Variants in VPS13B observed in about 807,000 individuals in gnomAD.
VPS13B encodes intermembrane lipid transfer protein VPS13B.
VPS13B carries 285 observed loss-of-function variants against 426.4 expected under a neutral mutation model. The observed-to-expected ratio is 0.67, with a 90% CI of 0.61 to 0.74. The LOEUF (loss-of-function observed/expected upper bound fraction) is 0.74, where lower values mean the gene tolerates loss of function less well. VPS13B is among the 30% of genes least tolerant of loss of function. The pLI, the probability that VPS13B is intolerant of heterozygous loss-of-function variation, is 0.00. For synonymous variants in VPS13B, 1,676 were observed against 1,676.4 expected (o/e 1.00, Z 0.01); for missense variants, 4,537 against 4,782.6 (o/e 0.95, Z 1.51).
In VPS13B at chr8:99,821,423, G is replaced by A; in HGVS notation, c.9124G>A (p.Asp3042Asn). 6.2e-7 allele frequency: 1 copy of A among 1,613,822 alleles called. No homozygotes were observed. Among genetic ancestry groups the A allele is most frequent in the Middle Eastern group, 1.6e-4 (1 of 6,062 alleles). ...AGGTAATGGTGAAGTTGTGACACTG[G>A]ATGAAGAAGCGTTTGTTGATACTGA... is the stretch of plus-strand genomic sequence containing the variant. Reference protein sequence around the residue: ...DGGNGEVVTLDEEAFVDTEIR... With the variant: ...DGGNGEVVTLNEEAFVDTEIR... Residue 3042 changes from aspartate (D) to asparagine (N), a missense_variant, in exon 50 of 62, where the codon GAT becomes AAT. Asp to Asn is a conservative substitution (Grantham distance 23). Around this residue, in one of 2 missense-constraint regions of VPS13B, gnomAD observed 4,311 missense variants for 4,474.3 expected, o/e 0.96. Transcript: ENST00000357162.
At chr8:99,384,103 C>T (rs1588315539) in intron 19 of VPS13B, 105 bp from the exon 20 acceptor site, 1 of 940,840 alleles carries the variant, frequency 1.1e-6, no homozygotes, top group East Asian at 2.4e-5. Context: ...ACGCTTGTTA[C>T]TGTTTGTCTG....
rs138003933 is a variant in VPS13B, at chr8:99,248,865, C to T, written c.2516-25333C>T. Among the ~76,000 whole-genome samples the T allele has an allele frequency of 2.1e-3, 324 of 152,270 alleles. 2 individuals carry two copies. The highest frequency in any genetic ancestry group is 5.0e-3 in the Admixed American group (77 of 15,306). On this transcript the variant is annotated intron_variant, in intron 17 of 61. Coordinates refer to ENST00000357162, the MANE Select transcript of VPS13B (RefSeq NM_152564.5). ...CTCCCTCCCTTGAGCTTCTCCCCCA[C>T]TCCCAAGCCCACTTCCCCTTATTAG...
At chr8:99,741,899 A>G (rs1809749512) in intron 39 of VPS13B, among the ~76,000 whole-genome samples, 1 of 152,192 alleles carries the variant, frequency 6.6e-6, no homozygotes, top group South Asian at 2.1e-4. Context: ...ACACCCTAAC[A>G]TCACAATTAA....
intron 58 of VPS13B, among the ~76,000 whole-genome samples, chr8:99,867,556 G>C (rs1588805242): frequency 6.6e-6 from 1 of 152,320 alleles, no homozygotes; most frequent in East Asian, 1.9e-4. Flanking sequence ...GAGTATCTTG[G>C]TGGTTAAGAG....
chr8:99,604,469 C>T (rs971792094), intron 33 of VPS13B, among the ~76,000 whole-genome samples: 3 of 149,930 alleles, frequency 2.0e-5, no homozygotes, highest in Admixed American at 6.7e-5. Flanking sequence ...CTCTAGAATA[C>T]GACAGTTTCT....
intron 30 of VPS13B, among the ~76,000 whole-genome samples, chr8:99,554,210 T>G (rs947417749): frequency 6.6e-6 from 1 of 152,140 alleles, no homozygotes; most frequent in Non-Finnish European, 1.5e-5. Context: ...AATTTTGTTT[T>G]CATTTTTTTT....
intron 43 of VPS13B, among the ~76,000 whole-genome samples, chr8:99,807,365 T>C (rs1813453783): frequency 6.6e-6 from 1 of 152,140 alleles, no homozygotes; most frequent in South Asian, 2.1e-4. Context: ...CTCTAGAGTC[T>C]ATGAAATGTT....
intron 7 of VPS13B, chr8:99,120,076 A>C (rs910997382): frequency 6.6e-6 from 1 of 152,158 alleles, no homozygotes. Context: ...TATTTTTAGT[A>C]GGGACAGGGT....
intron 27 of VPS13B, among the ~76,000 whole-genome samples, chr8:99,504,099 C>A (rs1247632596): frequency 1.3e-5 from 2 of 152,166 alleles, no homozygotes; most frequent in Non-Finnish European, 2.9e-5. Flanking sequence ...TGGCTTGGTG[C>A]CTCCCCATGG....
intron 40 of VPS13B, among the ~76,000 whole-genome samples, chr8:99,772,466 G>A (rs1248797533): frequency 1.3e-5 from 2 of 152,224 alleles, no homozygotes; most frequent in African/African-American, 2.4e-5. Flanking sequence ...GTGGGGAGGG[G>A]AGAGTAGGGA....
chr8:99,717,264 G>C lies in VPS13B; in HGVS notation c.6548G>C (p.Cys2183Ser). The C allele has an allele frequency of 6.2e-7, 1 of 1,613,958 alleles. No homozygotes were observed. The highest frequency in any genetic ancestry group is 8.5e-7 in the Non-Finnish European group (1 of 1,179,930). The change falls in exon 37 of 62, where the codon TGT (cysteine) becomes TCT (serine). Residue 2183 changes from cysteine to serine, a missense_variant. Around this residue, in one of 2 missense-constraint regions of VPS13B, gnomAD observed 4,311 missense variants for 4,474.3 expected, o/e 0.96. Coordinates refer to ENST00000357162, the MANE Select transcript of VPS13B (RefSeq NM_152564.5). ...AGAAGCCGCATTCTGATAGGACCATGTTGTGCTACTGCCAATCTGGAAGCT... is the reference window on the plus strand; with the variant it reads ...AGAAGCCGCATTCTGATAGGACCATCTTGTGCTACTGCCAATCTGGAAGCT... ...KERSRILIGP[C>S]CATANLEAKW...
chr8:99,763,050 C>T (rs1012297974), intron 39 of VPS13B, among the ~76,000 whole-genome samples: 2 of 141,374 alleles, frequency 1.4e-5, no homozygotes, highest in South Asian at 2.4e-4. Context: ...GTGGGAGGAT[C>T]GCTTGAGCCA....
At chr8:99,451,847 G>A (rs1411117762) in intron 23 of VPS13B, among the ~76,000 whole-genome samples, 1 of 152,178 alleles carries the variant, frequency 6.6e-6, no homozygotes, top group Non-Finnish European at 1.5e-5. Context: ...TGGTACTGGT[G>A]TACCCTGTAT....
At chr8:99,767,025 A>G in intron 40 of VPS13B, 55 bp downstream of exon 40, 1 of 1,548,830 alleles carries the variant, frequency 6.5e-7, no homozygotes, top group Middle Eastern at 1.7e-4. Context: ...ATGATAAGTC[A>G]TCTTTTCCTA....
intron 19 of VPS13B, among the ~76,000 whole-genome samples, chr8:99,364,422 G>A (rs1475708922): frequency 7.9e-5 from 12 of 151,692 alleles, no homozygotes; most frequent in Non-Finnish European, 1.2e-4. Context: ...ATATTGTCCC[G>A]TAGTTTTCTT....
intron 30 of VPS13B, among the ~76,000 whole-genome samples, chr8:99,525,665 A>G (rs1162893445): frequency 6.6e-6 from 1 of 152,226 alleles, no homozygotes; most frequent in African/African-American, 2.4e-5. Flanking sequence ...GTCAGTTTAC[A>G]AAAGAAAGAA....
At chr8:99,045,455 C>G (rs1045354630) in intron 3 of VPS13B, among the ~76,000 whole-genome samples, 1 of 151,874 alleles carries the variant, frequency 6.6e-6, no homozygotes, top group South Asian at 2.1e-4. Context: ...GATATTAGTC[C>G]GTTGTCAGAT....
chr8:99,305,435 C>T (rs1401949463), intron 19 of VPS13B, among the ~76,000 whole-genome samples: 1 of 152,052 alleles, frequency 6.6e-6, no homozygotes, highest in Non-Finnish European at 1.5e-5. Context: ...AGGTTATATG[C>T]AAATGCAACA....
intron 3 of VPS13B, among the ~76,000 whole-genome samples, chr8:99,082,823 C>T (rs931407757): frequency 6.6e-6 from 1 of 152,102 alleles, no homozygotes; most frequent in African/African-American, 2.4e-5. Context: ...TGATCTACAT[C>T]TCTGTTTTGG....
Sources: gnomAD v4.1 joint callset for allele counts (sites outside exome capture counted in the v4.1 genomes callset) on GRCh38, gnomAD v4.1.1 for gene constraint, gnomAD v4.1.1 regional missense constraint, MANE v1.5 for transcripts, NCBI Gene and HGNC (gene_info 2026-07-23, HGNC 2026-07-21) for gene names.